Variants in PCDH11X observed in about 807,000 individuals in gnomAD.
PCDH11X encodes the protein protocadherin-11 X-linked.
In PCDH11X, 18 loss-of-function variants were observed where a neutral mutation model predicts 53.3. The observed-to-expected ratio is 0.34, with a 90% CI of 0.23 to 0.50. The LOEUF (loss-of-function observed/expected upper bound fraction) is 0.50, where lower values mean the gene tolerates loss of function less well. Ranked by LOEUF, PCDH11X falls within the 20% of genes least tolerant of loss-of-function variation. PCDH11X has a pLI of 0.98. For missense variants in PCDH11X, 570 were observed against 1,032.4 expected (o/e 0.55, Z 6.14); for synonymous variants, 279 against 393.3 (o/e 0.71, Z 3.44).
At chrX:92,063,507 T>C (rs1179291316) in intron 6 of PCDH11X, among the ~76,000 whole-genome samples, 1 of 111,287 alleles carries the variant, frequency 9.0e-6, no homozygotes, top group Non-Finnish European at 1.9e-5. Flanking sequence ...TTCTCCTGAA[T>C]CTTGATGGTC....
intron 1 of PCDH11X, among the ~76,000 whole-genome samples, chrX:91,780,274 G>A (rs1404430177): frequency 2.7e-5 from 3 of 111,784 alleles, no homozygotes; most frequent in Non-Finnish European, 5.7e-5. Context: ...GGAGCGCACA[G>A]GGTTCCCGGT....
At chrX:92,363,953 G>A (rs1310683795) in intron 8 of PCDH11X, among the ~76,000 whole-genome samples, 3 of 111,263 alleles carry the variant, frequency 2.7e-5, no homozygotes, top group African/African-American at 6.5e-5. Context: ...AGGTGGTATA[G>A]TACAGTCATT....
intron 6 of PCDH11X, among the ~76,000 whole-genome samples, chrX:92,011,733 G>A (rs376229328): frequency 1.9e-3 from 211 of 111,303 alleles, no homozygotes; most frequent in Middle Eastern, 4.7e-3. Flanking sequence ...TATACAGATT[G>A]ATAGAAGACA....
chrX:92,500,021 G>T (rs1300265191), intron 10 of PCDH11X, among the ~76,000 whole-genome samples: 1 of 109,789 alleles, frequency 9.1e-6, no homozygotes, highest in East Asian at 2.9e-4. Flanking sequence ...CACTATATTT[G>T]CTGTGTAACA....
At chrX:92,285,303 G>A (rs1287456694) in intron 8 of PCDH11X, among the ~76,000 whole-genome samples, 3 of 99,294 alleles carry the variant, frequency 3.0e-5, no homozygotes, top group Admixed American at 1.1e-4. Flanking sequence ...GCCCAGGCTG[G>A]AGTGCAATGG....
At chrX:91,998,867 T>C (rs2062462380) in intron 6 of PCDH11X, among the ~76,000 whole-genome samples, 1 of 111,071 alleles carries the variant, frequency 9.0e-6, no homozygotes, top group Non-Finnish European at 1.9e-5. Flanking sequence ...ATTTCCTGAT[T>C]GATAGTATGT....
intron 10 of PCDH11X, among the ~76,000 whole-genome samples, chrX:92,475,058 G>T (rs2073348882): frequency 9.9e-6 from 1 of 100,858 alleles, no homozygotes. Flanking sequence ...CCAGCTACTC[G>T]GGAGGCTGAG....
At chrX:92,286,343 C>A (rs2068371288) in intron 8 of PCDH11X, among the ~76,000 whole-genome samples, 1 of 109,010 alleles carries the variant, frequency 9.2e-6, no homozygotes, top group Admixed American at 9.9e-5. Flanking sequence ...TCAGAATTAT[C>A]TTTTAATTTA....
chrX:92,532,771 A>G (rs1407120658), intron 10 of PCDH11X, among the ~76,000 whole-genome samples: 1 of 110,485 alleles, frequency 9.1e-6, no homozygotes, highest in South Asian at 3.9e-4. Context: ...AAGACAGGGC[A>G]ATTTACATAA....
chrX:92,522,462 G>A (rs1383121819), intron 10 of PCDH11X, among the ~76,000 whole-genome samples: 2 of 110,724 alleles, frequency 1.8e-5, no homozygotes. Context: ...CACCATAACA[G>A]ATATAATAAT....
intron 6 of PCDH11X, among the ~76,000 whole-genome samples, chrX:92,046,506 T>A (rs1303584960): frequency 9.0e-6 from 1 of 111,562 alleles, no homozygotes; most frequent in Non-Finnish European, 1.9e-5. Context: ...TTGGAACAAA[T>A]TAACTAAAAA....
chrX:92,012,994 C>T (rs1160833083), intron 6 of PCDH11X, among the ~76,000 whole-genome samples: 1 of 111,519 alleles, frequency 9.0e-6, no homozygotes, highest in Non-Finnish European at 1.9e-5. Flanking sequence ...CCTCTCTCAC[C>T]ACTCCTTTTC....
chrX:92,229,561 G>A (rs1239911722), intron 7 of PCDH11X, among the ~76,000 whole-genome samples: 1 of 111,394 alleles, frequency 9.0e-6, no homozygotes, highest in Non-Finnish European at 1.9e-5. Flanking sequence ...ACAGCCTAGA[G>A]AGAAGAAAAA....
intron 10 of PCDH11X, chrX:92,515,367 G>A (rs5942278): frequency 0.08 from 13,373 of 166,459 alleles, 454 homozygotes; most frequent in Middle Eastern, 0.14. Context: ...GTGGTGAAGC[G>A]GCCCCAGCCG....
At chrX:91,792,455 G>T (rs1305922469) in intron 1 of PCDH11X, among the ~76,000 whole-genome samples, 1 of 110,121 alleles carries the variant, frequency 9.1e-6, no homozygotes, top group East Asian at 2.9e-4. Context: ...ATAACTGGAT[G>T]AAATTTTAAT....
intron 10 of PCDH11X, among the ~76,000 whole-genome samples, chrX:92,469,719 T>C (rs1291866126): frequency 2.7e-5 from 3 of 111,545 alleles, no homozygotes; most frequent in African/African-American, 6.5e-5. Context: ...ACTGTAGATG[T>C]ATGAATTTAT....
At chrX:92,406,928 T>TAA (rs765455608) in intron 9 of PCDH11X, among the ~76,000 whole-genome samples, 6 of 54,417 alleles carry the variant, frequency 1.1e-4, no homozygotes, top group African/African-American at 2.1e-4. Context: ...TTCCATCTCA[T>TAA]AAAAAAAAAA....
intron 9 of PCDH11X, among the ~76,000 whole-genome samples, chrX:92,465,918 T>C (rs2073148065): frequency 9.0e-6 from 1 of 111,178 alleles, no homozygotes; most frequent in Admixed American, 9.6e-5. Context: ...TGTTAAAAAC[T>C]CAATTATACT....
intron 10 of PCDH11X, chrX:92,569,753 C>T: frequency 4.0e-6 from 1 of 247,000 alleles, no homozygotes; most frequent in East Asian, 1.8e-4. Flanking sequence ...CACAGTGGCT[C>T]ACTCCTGTAA....
Sources: allele counts gnomAD v4.1 joint callset (sites outside exome capture counted in the v4.1 genomes callset), GRCh38; gene constraint gnomAD v4.1.1; transcripts MANE v1.5; gene names NCBI Gene and HGNC (gene_info 2026-07-23, HGNC 2026-07-21).